Variants in RANBP2 observed in about 807,000 individuals in gnomAD.
RANBP2 encodes the protein RAN binding protein 2.
In RANBP2, 57 loss-of-function variants were observed where a neutral mutation model predicts 303.6. That is an observed-to-expected ratio of 0.19 (90% CI 0.15 to 0.23). The LOEUF is 0.23. RANBP2 is among the 10% of genes least tolerant of loss of function. The probability of loss-of-function intolerance (pLI) is 1.00; values close to 1 mark genes in which losing one functional copy is unlikely to be tolerated. For missense variants in RANBP2, 3,138 were observed against 3,780.8 expected (o/e 0.83, Z 4.46); for synonymous variants, 1,167 against 1,301.5 (o/e 0.90, Z 2.23).
intron 6 of RANBP2, among the ~76,000 whole-genome samples, chr2:108,738,131 G>A (rs543914523): frequency 6.0e-4 from 88 of 146,120 alleles, no homozygotes; most frequent in African/African-American, 1.4e-3. Flanking sequence ...GCTGGAGTGC[G>A]GTGGCGCCAT....
the RANBP2 span, among the ~76,000 whole-genome samples, chr2:108,965,441 G>A: frequency 1.4e-5 from 2 of 144,958 alleles, no homozygotes; most frequent in Non-Finnish European, 3.0e-5. Context: ...CTCCAACCTG[G>A]GAGACAGAGC....
chr2:109,490,740 C>T, the RANBP2 span: 4 of 1,536,390 alleles, frequency 2.6e-6, no homozygotes, highest in South Asian at 4.8e-5. Flanking sequence ...TGCAGTGGGC[C>T]CCGAAGTGTC....
chr2:109,490,700 C>G, the RANBP2 span: 5 of 1,533,754 alleles, frequency 3.3e-6, no homozygotes, highest in African/African-American at 1.4e-5. Context: ...CCCACGACCC[C>G]CAGGTGGCCG....
the RANBP2 span, among the ~76,000 whole-genome samples, chr2:109,678,099 C>T: frequency 6.6e-6 from 1 of 152,230 alleles, no homozygotes; most frequent in African/African-American, 2.4e-5. Context: ...TGTTGCATAG[C>T]AACACCTCCC....
chr2:109,265,170 T>G, the RANBP2 span, among the ~76,000 whole-genome samples: 2 of 152,096 alleles, frequency 1.3e-5, no homozygotes, highest in South Asian at 4.1e-4. Flanking sequence ...GAAGGAACAT[T>G]GAAGAGAGCC....
chr2:108,737,564 T>TG (rs970958333), intron 6 of RANBP2, among the ~76,000 whole-genome samples: 3 of 149,252 alleles, frequency 2.0e-5, no homozygotes, highest in African/African-American at 7.4e-5. Flanking sequence ...TTTTTTTTTT[T>TG]TTTTTGAGAC....
chr2:109,360,757 C>T, the RANBP2 span, among the ~76,000 whole-genome samples: 1 of 152,222 alleles, frequency 6.6e-6, no homozygotes, highest in African/African-American at 2.4e-5. Context: ...ATCATGTCAT[C>T]TGTAAACAAA....
the RANBP2 span, chr2:109,141,732 C>G: frequency 6.5e-6 from 1 of 154,312 alleles, no homozygotes; most frequent in African/African-American, 2.4e-5. Context: ...TAGTCATTTT[C>G]TAGACCCCGG....
At chr2:109,272,032 A>G in the RANBP2 span, among the ~76,000 whole-genome samples, 3 of 152,248 alleles carry the variant, frequency 2.0e-5, no homozygotes, top group African/African-American at 7.2e-5. Flanking sequence ...ACACTGAGTG[A>G]CATTGGGGTG....
At position 108,765,526 on chromosome 2, in the gene RANBP2, A is replaced by G; in HGVS notation, c.4987A>G (p.Thr1663Ala). Residue 1663 changes from threonine to alanine, a missense_variant, in exon 20 of 29, where the codon ACT becomes GCT. By Grantham distance (58) the Thr-to-Ala change is moderately conservative. This residue lies in a region of RANBP2 where 51 missense variants were observed against 112.1 expected (regional missense o/e 0.45). Transcript: ENST00000283195. ...APKSGFEGMF[T>A]KKEGQWDCSV... ...AAAGAGCGGATTTGAGGGAATGTTC[A>G]CTAAGAAGGAGGGACAGTGGGATTG... 6.4e-7 allele frequency: 1 copy of G among 1,564,400 alleles called. No individual in the cohort carries two copies. Among genetic ancestry groups the G allele is most frequent in the Non-Finnish European group, 8.6e-7 (1 of 1,160,032 alleles).
At chr2:108,901,234 A>G in the RANBP2 span, among the ~76,000 whole-genome samples, 1 of 152,214 alleles carries the variant, frequency 6.6e-6, no homozygotes, top group Non-Finnish European at 1.5e-5. Context: ...AGTCTTCTAA[A>G]TAATCCACAG....
At chr2:109,378,329 G>T in the RANBP2 span, among the ~76,000 whole-genome samples, 1 of 152,296 alleles carries the variant, frequency 6.6e-6, no homozygotes, top group Admixed American at 6.5e-5. Context: ...AGCATGCCAA[G>T]AACCACATAG....
chr2:109,185,451 A>T, the RANBP2 span, among the ~76,000 whole-genome samples: 2 of 152,254 alleles, frequency 1.3e-5, no homozygotes, highest in African/African-American at 4.8e-5. Context: ...AGGCAAGTTA[A>T]TTTAACAAAA....
At chr2:109,301,652 T>C in the RANBP2 span, among the ~76,000 whole-genome samples, 4 of 152,184 alleles carry the variant, frequency 2.6e-5, no homozygotes, top group African/African-American at 9.7e-5. Flanking sequence ...CCGAGACCAC[T>C]AGGCTCCTTT....
At chr2:109,293,156 C>T in the RANBP2 span, among the ~76,000 whole-genome samples, 1 of 152,232 alleles carries the variant, frequency 6.6e-6, no homozygotes, top group Non-Finnish European at 1.5e-5. Context: ...GACAGAGCTC[C>T]GCAGGCAGTG....
the RANBP2 span, among the ~76,000 whole-genome samples, chr2:109,571,275 G>C: frequency 5.9e-5 from 9 of 152,280 alleles, no homozygotes; most frequent in South Asian, 1.2e-3. Context: ...TTATAGCAAT[G>C]CGAGAACGGA....
chr2:109,386,145 C>T, the RANBP2 span, among the ~76,000 whole-genome samples: 1 of 152,234 alleles, frequency 6.6e-6, no homozygotes, highest in East Asian at 1.9e-4. Flanking sequence ...AGGGTCAAGG[C>T]TGCAAAGCTG....
chr2:109,052,134 T>C, the RANBP2 span, among the ~76,000 whole-genome samples: 19 of 152,334 alleles, frequency 1.2e-4, no homozygotes, highest in African/African-American at 4.1e-4. Flanking sequence ...AATAACAGAA[T>C]GAAAGAAGGC....
chr2:109,732,200 A>T, the RANBP2 span, among the ~76,000 whole-genome samples: 1 of 152,116 alleles, frequency 6.6e-6, no homozygotes, highest in Non-Finnish European at 1.5e-5. Flanking sequence ...GAATGCTGTG[A>T]GTAAAGTATT....
Sources: allele counts gnomAD v4.1 joint callset (sites outside exome capture counted in the v4.1 genomes callset), GRCh38; gene constraint gnomAD v4.1.1; regional missense constraint gnomAD v4.1.1; transcripts MANE v1.5; gene names NCBI Gene and HGNC (gene_info 2026-07-23, HGNC 2026-07-21).